IGSF11: variants seen among roughly 807,000 people sequenced by gnomAD.
The protein encoded by IGSF11 is CXADR like 1.
Under a neutral mutation model 41.0 loss-of-function variants are expected in IGSF11, and 22 were observed. That is an observed-to-expected ratio of 0.54 (90% CI 0.38 to 0.77). IGSF11 has a LOEUF of 0.77. IGSF11 is among the 30% of genes least tolerant of loss of function. The pLI is 0.00. For missense variants in IGSF11, 444 were observed against 530.8 expected (o/e 0.84, Z 1.61); for synonymous variants, 219 against 201.3 (o/e 1.09, Z -0.74).
Position 119,051,442 on chromosome 3 carries a change from A to G in IGSF11, c.49+53702T>C, listed in dbSNP as rs1371616783. 2.6e-5 allele frequency among the ~76,000 whole-genome samples: 4 copies of G among 152,296 alleles called. No individual in the cohort carries two copies. The East Asian group carries it at 7.7e-4, about 29-fold the overall frequency. On this transcript the variant is annotated intron_variant, in intron 1 of 6. Coordinates refer to the IGSF11 transcript ENST00000354673. ...AGGAAAATATCACAATTCTAAATAT[A>G]CATGCACCTAACACTGGATCTCCCA...
At chr3:119,112,484 A>C (rs2077192138) in intron 1 of IGSF11, among the ~76,000 whole-genome samples, 1 of 152,196 alleles carries the variant, frequency 6.6e-6, no homozygotes, top group Non-Finnish European at 1.5e-5. Context: ...CCGATTTTCC[A>C]GGTGCCGTCT....
chr3:118,908,164 C>T (rs1186795743), intron 4 of IGSF11, among the ~76,000 whole-genome samples: 1 of 152,112 alleles, frequency 6.6e-6, no homozygotes, highest in African/African-American at 2.4e-5. Context: ...AAATTTTAAA[C>T]AGCTCCTCTA....
intron 1 of IGSF11, among the ~76,000 whole-genome samples, chr3:119,134,419 AACAG>A (rs1475729379): frequency 5.3e-5 from 8 of 152,178 alleles, no homozygotes; most frequent in African/African-American, 1.9e-4. Context: ...ATACACCAAT[AACAG>A]ACAAACAGAG....
At position 118,959,775 on chromosome 3, in the gene IGSF11, G is replaced by A. The variant is rs117345758; in HGVS notation, c.53-29500C>T. Among the ~76,000 whole-genome samples the A allele has an allele frequency of 1.4e-3, 215 of 152,246 alleles. 3 individuals carry two copies. The East Asian group carries it at 0.035, about 25-fold the overall frequency. ...AAGAAACAACAAATGTGGGCCGGGC[G>A]CAGTAGCTCACACCTGTAATCCAGC... On this transcript the variant is annotated intron_variant, in intron 1 of 6. Coordinates refer to ENST00000393775, the MANE Select transcript of IGSF11 (RefSeq NM_001015887.3).
In IGSF11 at chr3:118,900,602, G is replaced by A. The variant is rs530974403; in HGVS notation, c.*1918C>T. The A allele has an allele frequency of 6.6e-5, 10 of 152,510 alleles. No individual in the cohort carries two copies. The highest frequency in any genetic ancestry group is 2.6e-4 in the Admixed American group (4 of 15,260). 9.4% of individuals were successfully genotyped at this position (152,510 alleles called of 1,614,324 possible). On this transcript the variant is annotated 3_prime_UTR_variant, in exon 7 of 7. Coordinates refer to ENST00000393775, the MANE Select transcript of IGSF11 (RefSeq NM_001015887.3). ...TACTAAGTTTTAAAATGACATACTC[G>A]TTAGTATTGATAATTAATGACAACT...
chr3:119,007,235 G>C (rs1408163167), intron 1 of IGSF11, among the ~76,000 whole-genome samples: 1 of 144,736 alleles, frequency 6.9e-6, no homozygotes, highest in East Asian at 2.0e-4. Flanking sequence ...TTCCAGGTGC[G>C]TCCGTCACCC....
intron 4 of IGSF11, among the ~76,000 whole-genome samples, chr3:118,911,322 T>G (rs559175763): frequency 6.6e-6 from 1 of 152,222 alleles, no homozygotes; most frequent in East Asian, 1.9e-4. Context: ...AATAAGCACT[T>G]GTTTATTCAG....
chr3:119,049,052 G>A lies in IGSF11; in HGVS notation c.49+56092C>T, dbSNP rs1319913208. 1.6e-3 allele frequency among the ~76,000 whole-genome samples: 242 copies of A among 150,996 alleles called. 3 individuals carry two copies. In the East Asian group the frequency reaches 0.036, roughly 22 times the overall value. On this transcript the variant is annotated intron_variant, in intron 1 of 6. Transcript: ENST00000354673. ...CCACAGCCAATATCATACTGAATGG[G>A]CAAAAACTGGAAGCATTCCCTTTGA...
chr3:119,057,956 T>C (rs1244092219), intron 1 of IGSF11, among the ~76,000 whole-genome samples: 1 of 152,204 alleles, frequency 6.6e-6, no homozygotes, highest in African/African-American at 2.4e-5. Flanking sequence ...TCCTTACACC[T>C]TATACAAACA....
chr3:119,120,891 G>C (rs896256749), intron 1 of IGSF11, among the ~76,000 whole-genome samples: 3 of 152,282 alleles, frequency 2.0e-5, no homozygotes, highest in Admixed American at 1.3e-4. Flanking sequence ...AGAAGAAATG[G>C]TTTGGGGTTG....
At chr3:119,087,297 C>T (rs952164746) in intron 1 of IGSF11, among the ~76,000 whole-genome samples, 1 of 152,004 alleles carries the variant, frequency 6.6e-6, no homozygotes, top group Non-Finnish European at 1.5e-5. Flanking sequence ...TACAGCAGCA[C>T]AATCTGCAAT....
At chr3:119,050,308 A>G (rs1384670534) in intron 1 of IGSF11, among the ~76,000 whole-genome samples, 8 of 151,726 alleles carry the variant, frequency 5.3e-5, no homozygotes, top group African/African-American at 1.9e-4. Flanking sequence ...AGAAAAAAAC[A>G]AACAACCCCA....
chr3:119,135,804 G>A (rs1451840202), intron 1 of IGSF11, among the ~76,000 whole-genome samples: 1 of 152,122 alleles, frequency 6.6e-6, no homozygotes, highest in Admixed American at 6.5e-5. Context: ...CAAAGACTTG[G>A]AACCAACCCA....
At chr3:119,046,452 T>TA (rs750519642) in intron 1 of IGSF11, among the ~76,000 whole-genome samples, 1 of 151,902 alleles carries the variant, frequency 6.6e-6, no homozygotes, top group Non-Finnish European at 1.5e-5. Context: ...GAAAAAAGAA[T>TA]AAAAAGAAAT....
intron 1 of IGSF11, among the ~76,000 whole-genome samples, chr3:119,116,176 C>T (rs2077253469): frequency 2.0e-5 from 3 of 152,166 alleles, no homozygotes; most frequent in Admixed American, 2.0e-4. Context: ...GTAAATTATC[C>T]TTCCCAATAC....
chr3:118,921,951 A>C (rs1941840883), intron 4 of IGSF11, among the ~76,000 whole-genome samples: 1 of 152,108 alleles, frequency 6.6e-6, no homozygotes, highest in Non-Finnish European at 1.5e-5. Flanking sequence ...AGAATAGAAA[A>C]AAGGAAAAGC....
At chr3:118,976,547 C>T (rs1205231129) in intron 1 of IGSF11, among the ~76,000 whole-genome samples, 1 of 152,186 alleles carries the variant, frequency 6.6e-6, no homozygotes, top group Non-Finnish European at 1.5e-5. Context: ...AGGAAGTTTC[C>T]ATGCTGCTAC....
intron 4 of IGSF11, among the ~76,000 whole-genome samples, chr3:118,917,921 G>A (rs1251571632): frequency 1.6e-5 from 2 of 124,432 alleles, no homozygotes; most frequent in Middle Eastern, 4.2e-3. Flanking sequence ...GATCAAGTGG[G>A]CTTCATCCCT....
In IGSF11 at chr3:118,964,082, A is replaced by C. The variant is rs367725317; in HGVS notation, c.53-33807T>G. ...AAAATCATTACATCTACCCATCCCC[A>C]CCCCCAAAGTCTAAAGGATCTGCTC... On this transcript the variant is annotated intron_variant, in intron 1 of 6. Coordinates refer to ENST00000393775, the MANE Select transcript of IGSF11 (RefSeq NM_001015887.3). Among the ~76,000 whole-genome samples, 513 of 151,700 alleles carry C rather than the reference A, an allele frequency of 3.4e-3. 1 individual carries two copies. The highest frequency in any genetic ancestry group is 0.012 in the African/African-American group (477 of 41,302).
Sources: allele counts gnomAD v4.1 joint callset (sites outside exome capture counted in the v4.1 genomes callset), GRCh38; gene constraint gnomAD v4.1.1; transcripts MANE v1.5; gene names NCBI Gene and HGNC (gene_info 2026-07-23, HGNC 2026-07-21).